APOO: variants seen among roughly 807,000 people sequenced by gnomAD.
The protein encoded by APOO is apolipoprotein O, also known as MICOS complex subunit MIC26.
Under a neutral mutation model 23.1 loss-of-function variants are expected in APOO, and 11 were observed. The ratio of observed to expected loss-of-function variants is 0.48; its 90% confidence interval spans 0.30 to 0.79. The LOEUF is 0.79. Ranked by LOEUF, APOO falls within the 30% of genes least tolerant of loss-of-function variation. APOO has a pLI of 0.07. For missense variants in APOO, 160 were observed against 142.7 expected, an observed-to-expected ratio of 1.12 and a Z score of -0.62; for synonymous variants, 59 against 54.8, an observed-to-expected ratio of 1.08 and a Z score of -0.34.
chrX:23,900,952 CTTCA>C (rs1927109282), intron 1 of APOO, among the ~76,000 whole-genome samples: 1 of 111,953 alleles, frequency 8.9e-6, no homozygotes, highest in African/African-American at 3.2e-5. Flanking sequence ...GAAAAAAAAC[CTTCA>C]TTATCTTTCC....
intron 7 of APOO, among the ~76,000 whole-genome samples, chrX:23,852,171 G>A (rs958612639): frequency 2.7e-5 from 3 of 110,890 alleles, no homozygotes; most frequent in African/African-American, 9.8e-5. Context: ...TGATCCACCC[G>A]TCTCCACATC....
intron 1 of APOO, among the ~76,000 whole-genome samples, chrX:23,892,399 C>T (rs1926702622): frequency 9.1e-6 from 1 of 109,959 alleles, no homozygotes; most frequent in African/African-American, 3.3e-5. Context: ...GCATTACAGG[C>T]GCCCGCTACC....
intron 5 of APOO, among the ~76,000 whole-genome samples, chrX:23,864,398 G>C (rs1275946386): frequency 9.0e-6 from 1 of 111,095 alleles, no homozygotes; most frequent in East Asian, 2.8e-4. Flanking sequence ...TGCCTCCCGG[G>C]TTCAAGTGAT....
intron 1 of APOO, among the ~76,000 whole-genome samples, chrX:23,895,357 G>A (rs1160453291): frequency 2.7e-5 from 3 of 111,447 alleles, no homozygotes; most frequent in Non-Finnish European, 5.6e-5. Context: ...ATAGGGACAT[G>A]GATGAAGCTA....
At chrX:23,859,475 C>A (rs1924921646) in intron 5 of APOO, among the ~76,000 whole-genome samples, 1 of 107,073 alleles carries the variant, frequency 9.3e-6, no homozygotes, top group South Asian at 4.1e-4. Context: ...CAGAGTTTTG[C>A]TCTTGTCACC....
intron 7 of APOO, among the ~76,000 whole-genome samples, chrX:23,845,826 C>T (rs1924201163): frequency 8.9e-6 from 1 of 112,163 alleles, no homozygotes; most frequent in African/African-American, 3.2e-5. Flanking sequence ...AGAAGTTCTG[C>T]TCAGTTTTCA....
At chrX:23,873,570 G>A (rs186297833) in intron 4 of APOO, among the ~76,000 whole-genome samples, 152 of 108,580 alleles carry the variant, frequency 1.4e-3, no homozygotes, top group African/African-American at 5.0e-3. Context: ...CTATGCCACT[G>A]CACTCTAGCC....
At chrX:23,844,357 T>C (rs745789910) in intron 7 of APOO, among the ~76,000 whole-genome samples, 1 of 111,629 alleles carries the variant, frequency 9.0e-6, no homozygotes, top group Admixed American at 9.6e-5. Flanking sequence ...GACTGTTACC[T>C]CACACAGCAA....
intron 7 of APOO, among the ~76,000 whole-genome samples, chrX:23,842,940 G>A (rs777146663): frequency 4.5e-5 from 5 of 111,798 alleles, no homozygotes; most frequent in South Asian, 3.7e-4. Flanking sequence ...CCCAGGAGGC[G>A]GAGGTTGCAG....
At chrX:23,890,186 T>C (rs1231615879) in intron 1 of APOO, among the ~76,000 whole-genome samples, 1 of 111,892 alleles carries the variant, frequency 8.9e-6, no homozygotes, top group Non-Finnish European at 1.9e-5. Flanking sequence ...CTGTCCTAAA[T>C]ATAAAAAGAA....
Position 23,907,737 on chromosome X carries a change from C to T in APOO, c.-35G>A. On this transcript the variant is annotated 5_prime_UTR_variant, in exon 1 of 9. Transcript: ENST00000379226. ...AGCGGAGGCTCCGGCAGGGTCACCCCGGCCTCGGCCACGCCCACTATAGAG... is the reference window on the plus strand; with the variant it reads ...AGCGGAGGCTCCGGCAGGGTCACCCTGGCCTCGGCCACGCCCACTATAGAG... 3.5e-6 allele frequency: 4 copies of T among 1,158,560 alleles called. No individual in the cohort carries two copies. Among genetic ancestry groups the T allele is most frequent in the Non-Finnish European group, 4.6e-6 (4 of 869,557 alleles).
In APOO at chrX:23,874,453, G is replaced by A. The variant is rs748097340; in HGVS notation, c.242C>T (p.Thr81Met). ...CATCTTGGGCTTAGTTTGGGAGTAC[G>A]TTTCCTAAAAAGGTAAAAAGAAACT... ...CEPYTTWCQE[T>M]YSQTKPKMQS... The change falls in exon 4 of 9, where the codon ACG becomes ATG. Residue 81 changes from threonine to methionine, a missense_variant. Physicochemically the swap from Thr to Met is moderately conservative, Grantham distance 81 (BLOSUM62 -1). Coordinates refer to ENST00000379226, the MANE Select transcript of APOO (RefSeq NM_024122.5). 1.7e-6 allele frequency: 2 copies of A among 1,205,726 alleles called. No individual in the cohort carries two copies. The highest frequency in any genetic ancestry group is 1.7e-5 in the African/African-American group (1 of 57,186).
intron 4 of APOO, among the ~76,000 whole-genome samples, chrX:23,870,202 T>C (rs1925547045): frequency 9.0e-6 from 1 of 110,813 alleles, no homozygotes; most frequent in African/African-American, 3.3e-5. Context: ...CCTCGTCTCC[T>C]CTCCACTGAG....
rs1466543404 is a variant in APOO at position 23,907,893 on chromosome X, C to T, written c.-191G>A. On this transcript the variant is annotated 5_prime_UTR_variant, in exon 1 of 9. Transcript: ENST00000379226. ...AATCACCCGGTTCTAGAAGCCGCGT[C>T]GCTGAGCCGCAGCGCGTCGCGCCCG... 8.8e-6 allele frequency: 4 copies of T among 452,247 alleles called. No homozygotes were observed. Among genetic ancestry groups the T allele is most frequent in the Non-Finnish European group, 1.4e-5 (4 of 291,926 alleles). The allele number at this position is 452,247 out of a possible 1,213,427, so 37.3% of individuals were successfully genotyped here.
intron 7 of APOO, among the ~76,000 whole-genome samples, chrX:23,844,319 A>C (rs778887460): frequency 9.9e-4 from 111 of 112,187 alleles, no homozygotes; most frequent in African/African-American, 3.4e-3. Flanking sequence ...ATGGCCCCTC[A>C]AAGATGTCTT....
At chrX:23,907,200 GCAAAGCTCCAGCTTCCCT>G (rs1166766899) in intron 1 of APOO, among the ~76,000 whole-genome samples, 1 of 110,614 alleles carries the variant, frequency 9.0e-6, no homozygotes, top group Non-Finnish European at 1.9e-5. Context: ...GAGGAGTGGA[GCAAAGCTCCAGCTTCCCT>G]CGTCACCCAG....
rs1240835837 is a variant in APOO, at chrX:23,878,986, C to A, written c.166G>T (p.Ala56Ser). 1 of 1,211,583 alleles carries A rather than the reference C, an allele frequency of 8.3e-7. No homozygotes were observed. The highest frequency in any genetic ancestry group is 1.7e-5 in the African/African-American group (1 of 57,852). The change falls in exon 3 of 9, where the codon GCA becomes TCA. Residue 56 changes from alanine to serine, a missense_variant. By Grantham distance (99) the Ala-to-Ser change is moderately conservative. Coordinates refer to ENST00000379226, the MANE Select transcript of APOO (RefSeq NM_024122.5). ...ATGCTTTCTTCAAGCTGGCTCCTTG[C>A]CTCCTCCACATACTTCGATTGACCC... Reference protein sequence around the residue: ...PEGQSKYVEEARSQLEESISQ... With the variant: ...PEGQSKYVEESRSQLEESISQ...
intron 3 of APOO, among the ~76,000 whole-genome samples, chrX:23,877,566 G>A (rs575430969): frequency 1.8e-5 from 2 of 111,441 alleles, no homozygotes; most frequent in Middle Eastern, 9.3e-3. Flanking sequence ...TTGAGGTCAG[G>A]AGTTCGACAT....
intron 1 of APOO, among the ~76,000 whole-genome samples, chrX:23,885,348 G>A (rs1926322576): frequency 1.8e-5 from 2 of 108,752 alleles, no homozygotes; most frequent in African/African-American, 6.7e-5. Flanking sequence ...GCAGTGAGCC[G>A]AGATCGTGCC....
Sources: gnomAD v4.1 joint callset for allele counts (sites outside exome capture counted in the v4.1 genomes callset) on GRCh38, gnomAD v4.1.1 for gene constraint, MANE v1.5 for transcripts, NCBI Gene and HGNC (gene_info 2026-07-23, HGNC 2026-07-21) for gene names.